CTTNBP2: variants seen among roughly 807,000 people sequenced by gnomAD.
CTTNBP2 encodes cortactin-binding protein 2.
CTTNBP2 carries 108 observed loss-of-function variants against 156.9 expected under a neutral mutation model. That is an observed-to-expected ratio of 0.69 (90% CI 0.59 to 0.81). The LOEUF (loss-of-function observed/expected upper bound fraction) is 0.81, where lower values mean the gene tolerates loss of function less well. Ranked by LOEUF, CTTNBP2 falls within the 30% of genes least tolerant of loss-of-function variation. CTTNBP2 has a pLI of 0.00. For missense variants in CTTNBP2, 1,924 were observed against 2,035.4 expected (o/e 0.95, Z 1.05); for synonymous variants, 767 against 751.8 (o/e 1.02, Z -0.33).
chr7:117,711,391 T>TA lies in CTTNBP2; in HGVS notation c.*145dup. 1.1e-6 allele frequency: 1 copy of TA among 877,568 alleles called. No individual in the cohort carries two copies. Among genetic ancestry groups the TA allele is most frequent in the Non-Finnish European group, 1.6e-6 (1 of 609,360 alleles). 54.4% of individuals were successfully genotyped at this position (877,568 alleles called of 1,614,324 possible). A position where few individuals can be genotyped will look rare whatever the true frequency, so the allele number is the denominator to read the frequency against. ...AAATGTTGGTTATAAATACATTCTT[T>TA]ACAAAAAAAAATTGAATAGTGGTCC... On this transcript the variant is annotated 3_prime_UTR_variant, in exon 23 of 23. Coordinates refer to ENST00000160373, the MANE Select transcript of CTTNBP2 (RefSeq NM_033427.3).
rs531997923 is a variant in CTTNBP2 at position 117,822,785 on chromosome 7, C to T, written c.190-11796G>A. 2.0e-5 allele frequency among the ~76,000 whole-genome samples: 3 copies of T among 152,290 alleles called. No individual in the cohort carries two copies. The South Asian group carries it at 6.2e-4, about 32-fold the overall frequency. ...CATATGGTCTACCTCAGTAAATGCA[C>T]CACATGCACTTAACCAGAGTGTGTT... On this transcript the variant is annotated intron_variant, in intron 2 of 22. Transcript: ENST00000160373.
chr7:117,832,962 G>A (rs989293585), intron 2 of CTTNBP2, among the ~76,000 whole-genome samples: 2 of 150,876 alleles, frequency 1.3e-5, no homozygotes, highest in African/African-American at 4.9e-5. Flanking sequence ...TCACTATGTT[G>A]GCTAGGCTGG....
Position 117,719,560 on chromosome 7 carries a change from G to T in CTTNBP2, c.4588C>A (p.Leu1530Ile). Residue 1530 changes from leucine to isoleucine, a missense_variant, in exon 21 of 23, where the codon CTT becomes ATT. Transcript: ENST00000160373. The part of the protein sequence containing the change: ...LSLGSDDEAD[L>I]VKELQSMCSS... ...CACATGCTCTGAAGTTCCTTGACAA[G>T]ATCTGCTTCGTCATCTGAACCCAGA... is the stretch of plus-strand genomic sequence containing the variant. 1 of 1,613,838 alleles carries T rather than the reference G, an allele frequency of 6.2e-7. No individual in the cohort carries two copies.
intron 3 of CTTNBP2, among the ~76,000 whole-genome samples, chr7:117,804,635 C>G (rs954935347): frequency 2.0e-5 from 3 of 152,176 alleles, no homozygotes; most frequent in Admixed American, 1.3e-4. Context: ...ATGGATGGAG[C>G]TGGAAGCTAT....
At chr7:117,871,215 CA>C (rs1367142577) in intron 1 of CTTNBP2, among the ~76,000 whole-genome samples, 1 of 152,190 alleles carries the variant, frequency 6.6e-6, no homozygotes. Flanking sequence ...TGTGATGACA[CA>C]TATCACTCCT....
intron 10 of CTTNBP2, among the ~76,000 whole-genome samples, chr7:117,759,458 T>C (rs1797070678): frequency 6.6e-6 from 1 of 152,124 alleles, no homozygotes; most frequent in South Asian, 2.1e-4. Flanking sequence ...TAAAATCAAG[T>C]TGTCATGAAT....
intron 2 of CTTNBP2, among the ~76,000 whole-genome samples, chr7:117,817,361 A>AATATATATATATATATATATAT (rs59036381): frequency 9.4e-5 from 5 of 53,304 alleles, no homozygotes; most frequent in Admixed American, 2.7e-4. Context: ...AAAAAAAAAA[A>AATATATATATATATATATATAT]ATATATATAT....
chr7:117,860,268 A>G (rs1803627645), intron 2 of CTTNBP2, among the ~76,000 whole-genome samples: 1 of 152,266 alleles, frequency 6.6e-6, no homozygotes, highest in African/African-American at 2.4e-5. Flanking sequence ...CTACAAACCA[A>G]AATAAACGCA....
At chr7:117,814,926 C>T (rs559813942) in intron 2 of CTTNBP2, among the ~76,000 whole-genome samples, 1 of 152,128 alleles carries the variant, frequency 6.6e-6, no homozygotes, top group African/African-American at 2.4e-5. Context: ...GCTTAAGACA[C>T]CTTGAGTTTA....
At chr7:117,748,013 T>C (rs899113928) in intron 12 of CTTNBP2, among the ~76,000 whole-genome samples, 4 of 151,672 alleles carry the variant, frequency 2.6e-5, no homozygotes, top group African/African-American at 9.7e-5. Context: ...TACTGTTCAA[T>C]TATTAGTACA....
chr7:117,778,389 T>A (rs1016946939), intron 7 of CTTNBP2, among the ~76,000 whole-genome samples: 1 of 152,244 alleles, frequency 6.6e-6, no homozygotes, highest in Admixed American at 6.5e-5. Flanking sequence ...ATGTTTCAAC[T>A]AAAATTATTG....
At chr7:117,858,938 TC>T (rs905652995) in intron 2 of CTTNBP2, among the ~76,000 whole-genome samples, 1 of 152,168 alleles carries the variant, frequency 6.6e-6, no homozygotes, top group African/African-American at 2.4e-5. Context: ...CAGGATGGGA[TC>T]AGGATTCTTT....
rs746144529 is a variant in CTTNBP2 at position 117,791,439 on chromosome 7, G to A, written c.1757C>T (p.Ser586Leu). The change falls in exon 4 of 23, where the codon TCG (serine) becomes TTG (leucine). Residue 586 changes from serine to leucine, a missense_variant. Physicochemically the swap from Ser to Leu is moderately radical, Grantham distance 145. Coordinates refer to ENST00000160373, the MANE Select transcript of CTTNBP2 (RefSeq NM_033427.3). ...GAKVDNKTVA[S>L]TPSSLPQGNR... ...CCCTTGTGGCAAACTGGAAGGAGTCGAAGCCACAGTTTTGTTATCAACTTT... is the reference window on the plus strand; with the variant it reads ...CCCTTGTGGCAAACTGGAAGGAGTCAAAGCCACAGTTTTGTTATCAACTTT... The A allele has an allele frequency of 5.1e-5, 82 of 1,614,048 alleles. No homozygotes were observed. Among genetic ancestry groups the A allele is most frequent in the Non-Finnish European group, 6.3e-5 (74 of 1,180,026 alleles).
chr7:117,811,123 G>A lies in CTTNBP2; in HGVS notation c.190-134C>T. ...TGAGTAATGGCTTATGATGTCAGTG[G>A]TGAGTGAGAGGCAAATGTGACCCCC... On this transcript the variant is annotated intron_variant, in intron 2 of 22. Transcript: ENST00000160373. The A allele has an allele frequency of 8.9e-6, 6 of 671,256 alleles. 1 individual carries two copies. In the South Asian group the frequency reaches 1.2e-4, roughly 13 times the overall value. 41.6% of individuals were successfully genotyped at this position (671,256 alleles called of 1,614,324 possible). A position where few individuals can be genotyped will look rare whatever the true frequency, so the allele number is the denominator to read the frequency against.
chr7:117,745,796 A>G (rs775983368), intron 14 of CTTNBP2, 35 bp downstream of exon 14: 1 of 1,357,342 alleles, frequency 7.4e-7, no homozygotes, highest in Non-Finnish European at 1.1e-6. Context: ...GCATGCCTTT[A>G]GGTTATCACA....
chr7:117,873,341 C>G lies in CTTNBP2; in HGVS notation c.75G>C (p.Glu25Asp). 3 of 1,448,282 alleles carry G rather than the reference C, an allele frequency of 2.1e-6. No homozygotes were observed. The highest frequency in any genetic ancestry group is 1.8e-6 in the Non-Finnish European group (2 of 1,104,868). The allele number at this position is 1,448,282 out of a possible 1,614,324, so 89.7% of individuals were successfully genotyped here. ...APEDAAGAAA[E>D]AAKKEFDVDT... ...GCCCCGGGAACTCGGTTACCGCCGC[C>G]TCCGCCGCGGCCCCCGCCGCGTCCT... The change falls in exon 1 of 23, where the codon GAG (glutamate) becomes GAC (aspartate). Residue 25 changes from glutamate (E) to aspartate (D), a missense_variant. Coordinates refer to ENST00000160373, the MANE Select transcript of CTTNBP2 (RefSeq NM_033427.3).
chr7:117,824,114 A>AG (rs1801134536), intron 2 of CTTNBP2, among the ~76,000 whole-genome samples: 1 of 151,152 alleles, frequency 6.6e-6, no homozygotes, highest in Non-Finnish European at 1.5e-5. Context: ...CATCTCCTGA[A>AG]TTCAAGAGTA....
chr7:117,774,189 A>T (rs1302325979), intron 8 of CTTNBP2, among the ~76,000 whole-genome samples: 1 of 152,210 alleles, frequency 6.6e-6, no homozygotes, highest in Non-Finnish European at 1.5e-5. Context: ...TTTTCCGATG[A>T]CATTTAATGG....
chr7:117,813,361 A>G (rs1800397691), intron 2 of CTTNBP2, among the ~76,000 whole-genome samples: 1 of 152,176 alleles, frequency 6.6e-6, no homozygotes, highest in African/African-American at 2.4e-5. Context: ...TGGCAACAGC[A>G]CAGCATTTAA....
Sources: gnomAD v4.1 joint callset for allele counts (sites outside exome capture counted in the v4.1 genomes callset) on GRCh38, gnomAD v4.1.1 for gene constraint, MANE v1.5 for transcripts, NCBI Gene and HGNC (gene_info 2026-07-23, HGNC 2026-07-21) for gene names.